The following CALCR variants were observed in gnomAD, a reference collection of about 807,000 sequenced individuals.
CALCR encodes the protein calcitonin receptor.
A neutral mutation model predicts 59.5 loss-of-function variants in CALCR; 47 were observed. That is an observed-to-expected ratio of 0.79 (90% confidence interval 0.63 to 1.01). CALCR has a LOEUF of 1.01. CALCR is among the 50% of genes least tolerant of loss of function. The pLI is 0.00. For synonymous variants in CALCR, 213 were observed against 211.3 expected (o/e 1.01, Z -0.07); for missense variants, 566 against 597.1 (o/e 0.95, Z 0.54).
intron 2 of CALCR, among the ~76,000 whole-genome samples, chr7:93,567,598 C>T (rs866864387): frequency 5.3e-5 from 8 of 151,796 alleles, no homozygotes; most frequent in Non-Finnish European, 1.5e-5. Flanking sequence ...ACGTGCACAA[C>T]GTGCAGGTTT....
At chr7:93,475,554 A>G (rs1265438140) in intron 5 of CALCR, among the ~76,000 whole-genome samples, 1 of 143,816 alleles carries the variant, frequency 7.0e-6, no homozygotes, top group East Asian at 2.1e-4. Context: ...TTTTTTTTTA[A>G]ATAAAATGAA....
intron 9 of CALCR, among the ~76,000 whole-genome samples, chr7:93,438,494 A>T (rs1799832018): frequency 6.6e-6 from 1 of 152,198 alleles, no homozygotes; most frequent in African/African-American, 2.4e-5. Flanking sequence ...AGAGCATCCA[A>T]ATAATTAAAA....
At chr7:93,427,556 G>C (rs140214112) in intron 13 of CALCR, among the ~76,000 whole-genome samples, 175 of 152,162 alleles carry the variant, frequency 1.2e-3, no homozygotes, top group Non-Finnish European at 2.0e-3. Flanking sequence ...ACATATGACA[G>C]CTAAACACAT....
chr7:93,434,569 A>T (rs1019295848), intron 12 of CALCR, among the ~76,000 whole-genome samples: 1 of 151,754 alleles, frequency 6.6e-6, no homozygotes, highest in Non-Finnish European at 1.5e-5. Flanking sequence ...GATTTATAGC[A>T]GCATATGCTG....
intron 13 of CALCR, among the ~76,000 whole-genome samples, chr7:93,432,030 C>T (rs1799669435): frequency 6.6e-6 from 1 of 152,188 alleles, no homozygotes; most frequent in Non-Finnish European, 1.5e-5. Flanking sequence ...AGCATGCTCT[C>T]ATGGTCCTCT....
chr7:93,474,806 A>C (rs1800631671), intron 5 of CALCR, among the ~76,000 whole-genome samples: 1 of 151,780 alleles, frequency 6.6e-6, no homozygotes, highest in South Asian at 2.1e-4. Flanking sequence ...AATATTTTTG[A>C]AGCATTTTTC....
chr7:93,478,418 T>A (rs1380124396), intron 4 of CALCR, among the ~76,000 whole-genome samples: 2 of 151,744 alleles, frequency 1.3e-5, no homozygotes, highest in Admixed American at 6.6e-5. Context: ...TACATGGTAG[T>A]AGGCCAGATG....
At position 93,441,570 on chromosome 7, in the gene CALCR, T is replaced by C. The variant is rs550174433; in HGVS notation, c.802+2034A>G. On this transcript the variant is annotated intron_variant, in intron 9 of 13. Coordinates refer to ENST00000426151, the MANE Select transcript of CALCR (RefSeq NM_001742.4). ...TGGGGCTAAAAGAGAAAAAAAAAAA[T>C]AGTAAAAGACCATTTTGAGTAAATT... The C allele has an allele frequency of 2.0e-3, 875 of 441,082 alleles. 12 individuals are homozygous for C. The highest frequency in any genetic ancestry group is 0.014 in the South Asian group (854 of 61,926). 27.3% of individuals were successfully genotyped at this position (441,082 alleles called of 1,614,324 possible).
At chr7:93,453,141 C>T (rs950245501) in intron 8 of CALCR, among the ~76,000 whole-genome samples, 1 of 151,988 alleles carries the variant, frequency 6.6e-6, no homozygotes, top group African/African-American at 2.4e-5. Context: ...GAACAAGGTG[C>T]CACAGTTAGT....
rs1204750926 is a variant in CALCR, at chr7:93,479,380, T to C, written c.179A>G (p.Gln60Arg). 1.2e-6 allele frequency: 2 copies of C among 1,611,492 alleles called. No homozygotes were observed. The highest frequency in any genetic ancestry group is 1.7e-6 in the Non-Finnish European group (2 of 1,178,734). ...TTCTCCTTGGTATGCGGGTAACTGC[T>C]GCATTCGGTCATAGCATTTGTACTG... ...DAQYKCYDRM[Q>R]QLPAYQGEGP... The change falls in exon 4 of 14, where the codon CAG becomes CGG. Residue 60 changes from glutamine to arginine, a missense_variant. Physicochemically the swap from Gln to Arg is conservative, Grantham distance 43. Coordinates refer to ENST00000426151, the MANE Select transcript of CALCR (RefSeq NM_001742.4).
At chr7:93,453,820 T>C (rs976361965) in intron 8 of CALCR, among the ~76,000 whole-genome samples, 1 of 152,028 alleles carries the variant, frequency 6.6e-6, no homozygotes. Context: ...AGCATCCAAT[T>C]ATAAATAATA....
At chr7:93,533,742 T>C (rs750576056) in intron 2 of CALCR, among the ~76,000 whole-genome samples, 3 of 151,856 alleles carry the variant, frequency 2.0e-5, no homozygotes, top group Non-Finnish European at 2.9e-5. Context: ...AGTAGGTAAG[T>C]AGATCTAAAA....
intron 8 of CALCR, among the ~76,000 whole-genome samples, chr7:93,445,006 A>G (rs1799982392): frequency 6.6e-6 from 1 of 152,066 alleles, no homozygotes; most frequent in Non-Finnish European, 1.5e-5. Context: ...CAGATATTCT[A>G]CTGTGTTTCC....
Position 93,472,456 on chromosome 7 carries a change from A to T in CALCR, c.348T>A (p.Gly116=), listed in dbSNP as rs1472717213. ...TGTTTTCAGGATGTTTAAACCAAAC[A>T]CCTTTTTCATCACAGTATTTTGTAA... The part of the protein sequence containing the change: ...EKVTKYCDEK[G]VWFKHPENNR... Residue 116 remains glycine, a synonymous_variant, in exon 6 of 14, where the codon GGT becomes GGA. Coordinates refer to ENST00000426151, the MANE Select transcript of CALCR (RefSeq NM_001742.4). 6.2e-7 allele frequency: 1 copy of T among 1,608,458 alleles called. No homozygotes were observed. The highest frequency in any genetic ancestry group is 1.7e-5 in the Admixed American group (1 of 59,740).
chr7:93,565,507 A>G (rs769876203), intron 2 of CALCR, among the ~76,000 whole-genome samples: 1 of 152,236 alleles, frequency 6.6e-6, no homozygotes, highest in East Asian at 1.9e-4. Flanking sequence ...AATTTGAAGA[A>G]TATATATTTT....
At chr7:93,476,964 A>G (rs191270051) in intron 5 of CALCR, among the ~76,000 whole-genome samples, 6 of 152,040 alleles carry the variant, frequency 3.9e-5, no homozygotes, top group Admixed American at 3.3e-4. Flanking sequence ...CACTTCCATT[A>G]TCTCTGCCTT....
At chr7:93,495,897 C>G in intron 2 of CALCR, 1 of 1,531,710 alleles carries the variant, frequency 6.5e-7, no homozygotes, top group South Asian at 1.2e-5. Context: ...CACAAATGGG[C>G]ACTTGCCACT....
chr7:93,545,329 A>C (rs1293051837), intron 2 of CALCR, among the ~76,000 whole-genome samples: 1 of 152,142 alleles, frequency 6.6e-6, no homozygotes. Flanking sequence ...TAGACTTAGA[A>C]GGGCAATAAA....
In CALCR at chr7:93,519,741, G is replaced by A. The variant is rs556488013; in HGVS notation, c.-26-32734C>T. Among the ~76,000 whole-genome samples, 4 of 152,040 alleles carry A rather than the reference G, an allele frequency of 2.6e-5. No individual in the cohort carries two copies. The East Asian group carries it at 7.8e-4, about 30-fold the overall frequency. ...TGGGAGGTGATTAAATCATGGGGGC[G>A]ATACTCCCCATGCTATTCTCATGAC... On this transcript the variant is annotated intron_variant, in intron 2 of 13. Transcript: ENST00000426151.
Sources: gnomAD v4.1 joint callset for allele counts (sites outside exome capture counted in the v4.1 genomes callset) on GRCh38, gnomAD v4.1.1 for gene constraint, MANE v1.5 for transcripts, NCBI Gene and HGNC (gene_info 2026-07-23, HGNC 2026-07-21) for gene names.